DAPK2: variants seen among roughly 807,000 people sequenced by gnomAD.
DAPK2 encodes the protein death-associated protein kinase 2.
In DAPK2, 35 loss-of-function variants were observed where a neutral mutation model predicts 44.1. The observed-to-expected ratio is 0.79, with a 90% CI of 0.61 to 1.05. The LOEUF is 1.05. Among genes scored for constraint, DAPK2 ranks in the 50% least tolerant of loss-of-function variants. The pLI is 0.00. For missense variants in DAPK2, 453 were observed against 483.2 expected, an observed-to-expected ratio of 0.94 and a Z score of 0.59; for synonymous variants, 174 against 182.6, an observed-to-expected ratio of 0.95 and a Z score of 0.38.
chr15:64,015,275 T>C (rs527733607), intron 1 of DAPK2, among the ~76,000 whole-genome samples: 1 of 152,028 alleles, frequency 6.6e-6, no homozygotes, highest in South Asian at 2.1e-4. Flanking sequence ...AGGTGGGAAT[T>C]ACCACTCTGA....
intron 8 of DAPK2, among the ~76,000 whole-genome samples, chr15:63,914,551 C>T (rs2078877782): frequency 6.6e-6 from 1 of 152,176 alleles, no homozygotes; most frequent in Non-Finnish European, 1.5e-5. Flanking sequence ...TGGAGGGTGA[C>T]CAATCTGTGC....
chr15:63,971,712 C>CCCTGGCACTGGA, intron 2 of DAPK2, 151 bp from the exon 4 acceptor site: 1 of 840,834 alleles, frequency 1.2e-6, no homozygotes, highest in Non-Finnish European at 1.8e-6. Context: ...CTTTGTCTGT[C>CCCTGGCACTGGA]CAGTGCCAGG....
chr15:63,997,099 G>T (rs1052957337), intron 1 of DAPK2, among the ~76,000 whole-genome samples: 1 of 152,106 alleles, frequency 6.6e-6, no homozygotes, highest in Non-Finnish European at 1.5e-5. Flanking sequence ...CAGGCAAGCG[G>T]CTCAGAGTGC....
chr15:63,936,271 G>A (rs183582391), intron 4 of DAPK2, among the ~76,000 whole-genome samples: 1 of 152,142 alleles, frequency 6.6e-6, no homozygotes, highest in Non-Finnish European at 1.5e-5. Context: ...TCAGCTTTTG[G>A]GGGTGGGACA....
chr15:64,002,727 C>T (rs1164445674), intron 1 of DAPK2, among the ~76,000 whole-genome samples: 2 of 152,214 alleles, frequency 1.3e-5, no homozygotes, highest in Non-Finnish European at 2.9e-5. Flanking sequence ...CACACAGATA[C>T]AGTAGGCAGC....
chr15:64,034,082 G>A (rs1437025627), intron 1 of DAPK2, among the ~76,000 whole-genome samples: 1 of 152,014 alleles, frequency 6.6e-6, no homozygotes, highest in Non-Finnish European at 1.5e-5. Context: ...AATTTAAAAG[G>A]ATCATAAAAG....
intron 1 of DAPK2, among the ~76,000 whole-genome samples, chr15:64,008,759 T>C (rs1836743840): frequency 6.6e-6 from 1 of 152,194 alleles, no homozygotes; most frequent in African/African-American, 2.4e-5. Context: ...TGAGTGAAAC[T>C]TTTCCTTTTA....
intron 1 of DAPK2, among the ~76,000 whole-genome samples, chr15:64,001,652 C>A (rs2079087599): frequency 6.6e-6 from 1 of 152,162 alleles, no homozygotes; most frequent in South Asian, 2.1e-4. Context: ...CTCTCAATTG[C>A]ACCCTTAAGA....
chr15:64,030,691 A>G (rs1170943274), intron 1 of DAPK2, among the ~76,000 whole-genome samples: 1 of 152,098 alleles, frequency 6.6e-6, no homozygotes, highest in Non-Finnish European at 1.5e-5. Context: ...TGACCTCTGA[A>G]GAATCTCCTG....
intron 6 of DAPK2, among the ~76,000 whole-genome samples, chr15:63,927,910 AGTTTTTTGTTTT>A (rs1337858442): frequency 2.0e-5 from 3 of 151,966 alleles, no homozygotes. Flanking sequence ...ACACCTAGCT[AGTTTTTTGTTTT>A]GTTTTTTGTA....
At chr15:64,030,042 C>G (rs1181297780) in intron 1 of DAPK2, 1 of 152,458 alleles carries the variant, frequency 6.6e-6, no homozygotes, top group Non-Finnish European at 1.5e-5. Context: ...GCAATCCCAG[C>G]ACTTTGGGAG....
intron 3 of DAPK2, among the ~76,000 whole-genome samples, chr15:63,970,213 G>C (rs1189040156): frequency 6.6e-6 from 1 of 152,208 alleles, no homozygotes; most frequent in Admixed American, 6.5e-5. Flanking sequence ...TAAAGTGCAA[G>C]CTCCTTGGCT....
intron 1 of DAPK2, among the ~76,000 whole-genome samples, chr15:64,009,148 T>C (rs561678418): frequency 8.5e-5 from 13 of 152,290 alleles, no homozygotes; most frequent in African/African-American, 2.6e-4. Flanking sequence ...CTTAGTAGAC[T>C]GTAATTGTCC....
Position 63,991,689 on chromosome 15 carries a change from G to A in DAPK2, c.93-7935C>T, listed in dbSNP as rs117166149. 5.1e-4 allele frequency among the ~76,000 whole-genome samples: 77 copies of A among 152,328 alleles called. 2 individuals are homozygous for A. The East Asian group carries it at 0.013, about 26-fold the overall frequency. ...AGAAGTACTGCTCTATAGCATGGAA[G>A]CATAGCATGCTCTAGATGATCCCAA... is the stretch of plus-strand genomic sequence containing the variant. On this transcript the variant is annotated intron_variant, in intron 1 of 10. Transcript: ENST00000261891.
intron 1 of DAPK2, among the ~76,000 whole-genome samples, chr15:63,985,595 G>C (rs1256706959): frequency 3.3e-5 from 5 of 152,172 alleles, no homozygotes; most frequent in African/African-American, 1.2e-4. Flanking sequence ...TTGACCTGTG[G>C]GGAAAGCAAA....
At chr15:63,962,120 C>T (rs2140643484) in intron 3 of DAPK2, among the ~76,000 whole-genome samples, 1 of 152,312 alleles carries the variant, frequency 6.6e-6, no homozygotes, top group Admixed American at 6.5e-5. Context: ...ACCCTTTCTT[C>T]CACTTGATCA....
chr15:63,956,229 C>T (rs753315164), intron 3 of DAPK2, among the ~76,000 whole-genome samples: 1 of 152,018 alleles, frequency 6.6e-6, no homozygotes, highest in Non-Finnish European at 1.5e-5. Flanking sequence ...TTTACCTTTT[C>T]AAAAAACCAA....
intron 1 of DAPK2, among the ~76,000 whole-genome samples, chr15:64,033,232 C>A (rs1254976464): frequency 7.2e-6 from 1 of 138,732 alleles, no homozygotes; most frequent in African/African-American, 2.8e-5. Context: ...TGCACTCCAG[C>A]CTGAGTAACA....
intron 1 of DAPK2, chr15:63,991,426 T>G (rs7168753): frequency 2.3e-6 from 1 of 429,660 alleles, no homozygotes; most frequent in Non-Finnish European, 4.7e-6. Flanking sequence ...CCTCGTTTCA[T>G]GAGCCTGTTT....
Sources: gnomAD v4.1 joint callset for allele counts (sites outside exome capture counted in the v4.1 genomes callset) on GRCh38, gnomAD v4.1.1 for gene constraint, MANE v1.5 for transcripts, NCBI Gene and HGNC (gene_info 2026-07-23, HGNC 2026-07-21) for gene names.